SNAP91: variants seen among roughly 807,000 people sequenced by gnomAD.
SNAP91 encodes the protein synaptosome associated protein 91, also known as clathrin coat assembly protein AP180.
SNAP91 carries 27 observed loss-of-function variants against 100.3 expected under a neutral mutation model. That is an observed-to-expected ratio of 0.27 (90% CI 0.20 to 0.37). The LOEUF (loss-of-function observed/expected upper bound fraction) is 0.37. Ranked by LOEUF, SNAP91 falls within the 10% of genes least tolerant of loss-of-function variation. The pLI is 1.00. For synonymous variants in SNAP91, 404 were observed against 398.6 expected (o/e 1.01, Z -0.16); for missense variants, 986 against 1,123.7 (o/e 0.88, Z 1.75).
chr6:83,703,050 C>T (rs750036242), intron 2 of SNAP91, among the ~76,000 whole-genome samples: 3 of 151,916 alleles, frequency 2.0e-5, no homozygotes, highest in Non-Finnish European at 2.9e-5. Context: ...ATATTAAATG[C>T]TTTTCAGAAG....
At chr6:83,703,092 G>A (rs900384461) in intron 2 of SNAP91, among the ~76,000 whole-genome samples, 2 of 151,568 alleles carry the variant, frequency 1.3e-5, no homozygotes, top group Non-Finnish European at 2.9e-5. Flanking sequence ...CCCTTGGGCT[G>A]GGTCTTCTGG....
At chr6:83,695,970 AG>A (rs2099204119) in intron 2 of SNAP91, among the ~76,000 whole-genome samples, 1 of 152,066 alleles carries the variant, frequency 6.6e-6, no homozygotes, top group Admixed American at 6.6e-5. Context: ...CAAAGCAGTG[AG>A]GAGATGCATA....
chr6:83,619,707 A>G (rs2096636738), intron 9 of SNAP91, among the ~76,000 whole-genome samples: 1 of 152,214 alleles, frequency 6.6e-6, no homozygotes, highest in African/African-American at 2.4e-5. Flanking sequence ...TCAAAAACAT[A>G]AGATTTTTTT....
chr6:83,692,701 C>G (rs142053422), intron 2 of SNAP91, among the ~76,000 whole-genome samples: 1 of 152,218 alleles, frequency 6.6e-6, no homozygotes, highest in East Asian at 1.9e-4. Flanking sequence ...TCCACCACCC[C>G]CAAGGTCCTT....
chr6:83,616,113 T>TA (rs200242613), intron 10 of SNAP91, among the ~76,000 whole-genome samples: 1 of 151,848 alleles, frequency 6.6e-6, no homozygotes, highest in East Asian at 1.9e-4. Context: ...ATCATACATG[T>TA]AAAAAAAGAA....
intron 2 of SNAP91, among the ~76,000 whole-genome samples, chr6:83,667,066 A>C (rs978272835): frequency 3.9e-5 from 6 of 152,144 alleles, no homozygotes; most frequent in Non-Finnish European, 7.4e-5. Flanking sequence ...CAAATGAGTC[A>C]ACATTGGAAG....
intron 8 of SNAP91, among the ~76,000 whole-genome samples, chr6:83,639,738 A>G (rs765424426): frequency 1.1e-4 from 16 of 152,152 alleles, no homozygotes; most frequent in Non-Finnish European, 2.1e-4. Context: ...AGACTGCCAC[A>G]TGCCAGCTCC....
Position 83,593,531 on chromosome 6 carries a change from G to C in SNAP91, c.1643C>G (p.Thr548Ser), listed in dbSNP as rs1452061837. The change falls in exon 18 of 30, where the codon ACC becomes AGC. Residue 548 changes from threonine to serine, a missense_variant. Physicochemically the swap from Thr to Ser is moderately conservative, Grantham distance 58. Coordinates refer to ENST00000369694, the MANE Select transcript of SNAP91 (RefSeq NM_001242792.2). ...AATAAATTTT[T>S]TSAATATTAP... ...AGTGGTGGCGGTGGCAGCGGAGGTG[G>C]TGGTAGTGGTGGTGGCAGCGGCGGT... 19 of 1,553,146 alleles carry C rather than the reference G, an allele frequency of 1.2e-5. No individual in the cohort carries two copies. The highest frequency in any genetic ancestry group is 1.7e-5 in the Non-Finnish European group (19 of 1,147,752).
intron 25 of SNAP91, chr6:83,575,379 A>G (rs1040429822): frequency 4.5e-6 from 2 of 442,244 alleles, no homozygotes; most frequent in Admixed American, 8.3e-5. Context: ...TCTATAAAGA[A>G]AAGTATGTCA....
chr6:83,638,702 T>C (rs961004269), intron 8 of SNAP91, among the ~76,000 whole-genome samples: 2 of 152,234 alleles, frequency 1.3e-5, no homozygotes, highest in Non-Finnish European at 2.9e-5. Context: ...TGGATAATTG[T>C]GTTCAAAGAG....
chr6:83,678,447 GT>G (rs1393364414), intron 2 of SNAP91, among the ~76,000 whole-genome samples: 1 of 151,946 alleles, frequency 6.6e-6, no homozygotes, highest in African/African-American at 2.4e-5. Flanking sequence ...AAAAAACAGC[GT>G]TTCATAAATG....
At chr6:83,687,471 G>C (rs953197877) in intron 2 of SNAP91, among the ~76,000 whole-genome samples, 18 of 152,036 alleles carry the variant, frequency 1.2e-4, no homozygotes, top group African/African-American at 4.3e-4. Context: ...TTAATAATAT[G>C]ATTTTCTTTT....
chr6:83,674,485 T>C (rs749513061), intron 2 of SNAP91, among the ~76,000 whole-genome samples: 28 of 152,078 alleles, frequency 1.8e-4, no homozygotes, highest in Admixed American at 4.6e-4. Context: ...TTAGTTGGGG[T>C]ATTCTGTTAC....
intron 7 of SNAP91, among the ~76,000 whole-genome samples, chr6:83,648,154 T>C (rs1226141184): frequency 6.6e-6 from 1 of 152,216 alleles, no homozygotes; most frequent in Non-Finnish European, 1.5e-5. Context: ...CTAGTCTCTT[T>C]TCTGTCACTG....
chr6:83,621,051 T>C (rs191254408), intron 9 of SNAP91, among the ~76,000 whole-genome samples: 144 of 76,164 alleles, frequency 1.9e-3, no homozygotes, highest in African/African-American at 0.01. Flanking sequence ...AAAAAATCTT[T>C]TAGGGTTGGG....
intron 26 of SNAP91, among the ~76,000 whole-genome samples, chr6:83,573,897 G>A (rs1474805567): frequency 4.6e-5 from 7 of 152,164 alleles, no homozygotes; most frequent in Non-Finnish European, 7.3e-5. Flanking sequence ...CATGGGCAAG[G>A]ACTTCATGTC....
intron 8 of SNAP91, among the ~76,000 whole-genome samples, chr6:83,639,941 T>C (rs1428531729): frequency 6.6e-6 from 1 of 152,124 alleles, no homozygotes; most frequent in African/African-American, 2.4e-5. Context: ...AAAACACCTG[T>C]ATAGCAGCAA....
intron 2 of SNAP91, among the ~76,000 whole-genome samples, chr6:83,671,528 G>C (rs571025738): frequency 2.6e-5 from 4 of 152,000 alleles, no homozygotes; most frequent in Non-Finnish European, 5.9e-5. Flanking sequence ...TTAGGCATGA[G>C]TGAAAATAAA....
chr6:83,702,490 T>G (rs1160340440), intron 2 of SNAP91, among the ~76,000 whole-genome samples: 1 of 152,190 alleles, frequency 6.6e-6, no homozygotes, highest in Non-Finnish European at 1.5e-5. Flanking sequence ...TTATTAAACA[T>G]TACAACTAAT....
Sources: gnomAD v4.1 joint callset for allele counts (sites outside exome capture counted in the v4.1 genomes callset) on GRCh38, gnomAD v4.1.1 for gene constraint, MANE v1.5 for transcripts, NCBI Gene and HGNC (gene_info 2026-07-23, HGNC 2026-07-21) for gene names.